The following MAF variants were observed in gnomAD, a reference collection of about 807,000 sequenced individuals.
The protein encoded by MAF is transcription factor Maf.
In MAF, 10 loss-of-function variants were observed where a neutral mutation model predicts 22.0. The observed-to-expected ratio is 0.45, with a 90% CI of 0.28 to 0.77. The LOEUF is 0.77. Ranked by LOEUF, MAF falls within the 30% of genes least tolerant of loss-of-function variation. MAF has a pLI of 0.12. For missense variants in MAF, 544 were observed against 548.4 expected (o/e 0.99, Z 0.08); for synonymous variants, 337 against 255.8 (o/e 1.32, Z -3.03).
the MAF span, among the ~76,000 whole-genome samples, chr16:79,373,526 G>C: frequency 6.6e-6 from 1 of 151,744 alleles, no homozygotes; most frequent in Non-Finnish European, 1.5e-5. Flanking sequence ...GGAATTGCAG[G>C]CATGTGCCAC....
chr16:79,576,692 A>T, the MAF span, among the ~76,000 whole-genome samples: 62 of 152,318 alleles, frequency 4.1e-4, no homozygotes, highest in South Asian at 5.4e-3. Flanking sequence ...CAAGGCTTGC[A>T]AGGTGTCAAG....
the MAF span, among the ~76,000 whole-genome samples, chr16:79,536,932 T>C: frequency 6.6e-6 from 1 of 152,172 alleles, no homozygotes; most frequent in African/African-American, 2.4e-5. Flanking sequence ...ACCAATTACC[T>C]CACAGATACT....
At chr16:79,239,433 G>C in the MAF span, among the ~76,000 whole-genome samples, 1 of 152,006 alleles carries the variant, frequency 6.6e-6, no homozygotes, top group African/African-American at 2.4e-5. Context: ...GAGTTATCTG[G>C]GGGATGGTTT....
chr16:79,217,748 G>C, the MAF span, among the ~76,000 whole-genome samples: 3 of 152,070 alleles, frequency 2.0e-5, no homozygotes, highest in Non-Finnish European at 4.4e-5. Context: ...CTGATTAAGG[G>C]AGACCTTGCT....
In MAF at chr16:79,599,180, C is replaced by T. The variant is rs1166186617; in HGVS notation, c.723G>A (p.Gly241=). 9.6e-6 allele frequency: 11 copies of T among 1,144,298 alleles called. No individual in the cohort carries two copies. The Admixed American group carries it at 1.4e-4, about 15-fold the overall frequency. 70.9% of individuals were successfully genotyped at this position (1,144,298 alleles called of 1,614,324 possible). A position where few individuals can be genotyped will look rare whatever the true frequency, so the allele number is the denominator to read the frequency against. ...GGGGGGGGAA[G]AGGALHPHHA... ...GGTGCGGGTGCAGGGCGCCCCCCGC[C>T]CCCGCCGCGCCCCCGCCGCCTCCGC... is the stretch of plus-strand genomic sequence containing the variant. Residue 241 remains glycine (G), a synonymous_variant, in exon 1 of 2, where the codon GGG becomes GGA. Coordinates refer to ENST00000326043, the MANE Select transcript of MAF (RefSeq NM_005360.5).
At chr16:79,224,401 T>C in the MAF span, among the ~76,000 whole-genome samples, 1 of 152,286 alleles carries the variant, frequency 6.6e-6, no homozygotes, top group Admixed American at 6.5e-5. Context: ...ATAGCCAATA[T>C]CATACTGAAT....
At chr16:79,377,185 G>A in the MAF span, among the ~76,000 whole-genome samples, 8 of 152,282 alleles carry the variant, frequency 5.3e-5, no homozygotes, top group African/African-American at 1.9e-4. Context: ...TCCAGCACCT[G>A]TTGTTTCCTG....
chr16:79,423,142 T>A, the MAF span, among the ~76,000 whole-genome samples: 7 of 152,182 alleles, frequency 4.6e-5, no homozygotes, highest in Non-Finnish European at 1.0e-4. Context: ...GTGAGCAACA[T>A]GTTTTAGAAT....
chr16:79,282,396 C>A, the MAF span, among the ~76,000 whole-genome samples: 1 of 152,112 alleles, frequency 6.6e-6, no homozygotes, highest in African/African-American at 2.4e-5. Flanking sequence ...ACCAGAATAA[C>A]CACTAATGTA....
chr16:79,235,454 C>A, the MAF span, among the ~76,000 whole-genome samples: 1 of 151,958 alleles, frequency 6.6e-6, no homozygotes, highest in African/African-American at 2.4e-5. Flanking sequence ...CCCAGCTACA[C>A]TGGAGGGAGG....
the MAF span, among the ~76,000 whole-genome samples, chr16:79,502,228 C>T: frequency 6.6e-6 from 1 of 152,156 alleles, no homozygotes; most frequent in East Asian, 1.9e-4. Flanking sequence ...TCAGCCTCAC[C>T]ATTGACTAGC....
chr16:79,450,080 A>G, the MAF span, among the ~76,000 whole-genome samples: 15 of 152,234 alleles, frequency 9.9e-5, no homozygotes, highest in African/African-American at 2.4e-5. Context: ...TTCCCTTATT[A>G]TTAAGCAATC....
the MAF span, among the ~76,000 whole-genome samples, chr16:79,543,779 G>C: frequency 2.0e-5 from 3 of 150,644 alleles, no homozygotes; most frequent in Non-Finnish European, 4.4e-5. Flanking sequence ...CTCCGCCTCC[G>C]GGGTTCACGG....
At chr16:79,241,361 G>C in the MAF span, among the ~76,000 whole-genome samples, 137 of 152,196 alleles carry the variant, frequency 9.0e-4, no homozygotes, top group African/African-American at 3.3e-3. Flanking sequence ...ACATGATTGA[G>C]CTGAAAAACA....
the MAF span, among the ~76,000 whole-genome samples, chr16:79,487,632 C>T: frequency 6.6e-6 from 1 of 152,154 alleles, no homozygotes; most frequent in Non-Finnish European, 1.5e-5. Context: ...CTCATATACC[C>T]TTCGGGGAAA....
chr16:79,254,662 C>G, the MAF span, among the ~76,000 whole-genome samples: 3 of 152,284 alleles, frequency 2.0e-5, no homozygotes, highest in African/African-American at 7.2e-5. Flanking sequence ...TCTAACTGGT[C>G]TGGGATCTCG....
the MAF span, among the ~76,000 whole-genome samples, chr16:79,292,761 C>T: frequency 6.6e-6 from 1 of 152,072 alleles, no homozygotes; most frequent in Non-Finnish European, 1.5e-5. Flanking sequence ...GTAAAGAAGC[C>T]ATCCAAAACC....
At chr16:79,456,587 G>T in the MAF span, among the ~76,000 whole-genome samples, 1 of 152,156 alleles carries the variant, frequency 6.6e-6, no homozygotes, top group Non-Finnish European at 1.5e-5. Flanking sequence ...TATGGGAGAA[G>T]GATGAGCTAC....
the MAF span, among the ~76,000 whole-genome samples, chr16:79,208,637 T>C: frequency 6.6e-6 from 1 of 151,710 alleles, no homozygotes; most frequent in African/African-American, 2.4e-5. Flanking sequence ...TTAAATTTTT[T>C]TTTTAATCAG....
Sources: allele counts gnomAD v4.1 joint callset (sites outside exome capture counted in the v4.1 genomes callset), GRCh38; gene constraint gnomAD v4.1.1; transcripts MANE v1.5; gene names NCBI Gene and HGNC (gene_info 2026-07-23, HGNC 2026-07-21).